The following CEP131 variants were observed in gnomAD, a reference collection of about 807,000 sequenced individuals.
CEP131 encodes the protein centrosomal protein of 131 kDa.
A neutral mutation model predicts 136.8 loss-of-function variants in CEP131; 99 were observed. The observed-to-expected ratio is 0.72, with a 90% CI of 0.62 to 0.86. CEP131 has a LOEUF of 0.86. Among genes scored for constraint, CEP131 ranks in the 40% least tolerant of loss-of-function variants. The pLI is 0.00. For synonymous variants in CEP131, 646 were observed against 612.7 expected (o/e 1.05, Z -0.80); for missense variants, 1,459 against 1,463.0 (o/e 1.00, Z 0.04).
At chr17:81,210,854 A>G (rs577678050) in intron 2 of CEP131, among the ~76,000 whole-genome samples, 1 of 150,510 alleles carries the variant, frequency 6.6e-6, no homozygotes, top group South Asian at 2.1e-4. Context: ...AGGCTCCAGG[A>G]AAGCAGCCAC....
rs1161398642 is a variant in CEP131 at position 81,222,905 on chromosome 17, T to C, written c.-154A>G. 1 of 152,090 alleles carries C rather than the reference T, an allele frequency of 6.6e-6. No individual in the cohort carries two copies. Among genetic ancestry groups the C allele is most frequent in the Non-Finnish European group, 1.5e-5 (1 of 68,038 alleles). 9.4% of individuals were successfully genotyped at this position (152,090 alleles called of 1,614,324 possible). On this transcript the variant is annotated 5_prime_UTR_variant, in exon 1 of 26. Transcript: ENST00000450824. ...CCTGGCGCCCCGCCACCCCCAACAC[T>C]GCCCCGAGGCCCGGTGACAATGAAG...
At chr17:81,214,848 C>T (rs1010350348) in intron 2 of CEP131, among the ~76,000 whole-genome samples, 1 of 152,232 alleles carries the variant, frequency 6.6e-6, no homozygotes, top group East Asian at 1.9e-4. Flanking sequence ...TCTCGGCTCA[C>T]TGCAAGTTCC....
chr17:81,219,900 C>T lies in CEP131; in HGVS notation c.157G>A (p.Glu53Lys), dbSNP rs768774676. Reference protein sequence around the residue: ...VRSVSVVTGSEQKRKVLEATG... With the variant: ...VRSVSVVTGSKQKRKVLEATG... ...CTCACCAGCACCTTCCTCTTCTGCT[C>T]GCTGCCTGTGACCACGGAGACAGAG... The change falls in exon 2 of 26, where the codon GAG (glutamate) becomes AAG (lysine). Residue 53 changes from glutamate (E) to lysine (K), a missense_variant. By Grantham distance (56) the Glu-to-Lys change is moderately conservative. This residue lies in a region of CEP131 where 187 missense variants were observed against 179.9 expected (regional missense o/e 1.04). Coordinates refer to ENST00000450824, the MANE Select transcript of CEP131 (RefSeq NM_014984.4). The surrounding 1 kb of genome is among the most constrained non-coding windows in gnomAD (Gnocchi z 4.0). 40 of 1,608,834 alleles carry T rather than the reference C, an allele frequency of 2.5e-5. No individual in the cohort carries two copies. In the Admixed American group the frequency reaches 5.2e-4, roughly 21 times the overall value.
At position 81,197,818 on chromosome 17, in the gene CEP131, G is replaced by C; in HGVS notation, c.1541C>G (p.Pro514Arg). ...CGATAGCAGCGTCCCATCCTCAGGAGGTTCGGGGAACGCACTGAGTTTTCC... is the reference window on the plus strand; with the variant it reads ...CGATAGCAGCGTCCCATCCTCAGGACGTTCGGGGAACGCACTGAGTTTTCC... Reference protein sequence around the residue: ...KFGKLSAFPEPPEDGTLLSEA... With the variant: ...KFGKLSAFPERPEDGTLLSEA... The change falls in exon 13 of 26, where the codon CCT (proline) becomes CGT (arginine). Residue 514 changes from proline to arginine, a missense_variant. Transcript: ENST00000450824. 5.6e-6 allele frequency: 9 copies of C among 1,613,310 alleles called. No individual in the cohort carries two copies. Among genetic ancestry groups the C allele is most frequent in the Non-Finnish European group, 7.6e-6 (9 of 1,179,952 alleles).
Position 81,202,236 on chromosome 17 carries a change from T to A in CEP131, c.788+4A>T, listed in dbSNP as rs1385143107. Reference sequence around the variant, plus strand: ...CCCCCCCCCACCGCCCCAAGATCGGTCACCTCTCAGCCTCCTCCTCCGTCA... The same window carrying A: ...CCCCCCCCCACCGCCCCAAGATCGGACACCTCTCAGCCTCCTCCTCCGTCA... On this transcript the variant is annotated splice_donor_region_variant and intron_variant, in intron 7 of 25. Transcript: ENST00000450824. The A allele has an allele frequency of 7.7e-7, 1 of 1,306,164 alleles. No homozygotes were observed. Among genetic ancestry groups the A allele is most frequent in the East Asian group, 5.4e-5 (1 of 18,594 alleles). 80.9% of individuals were successfully genotyped at this position (1,306,164 alleles called of 1,614,324 possible). A position where few individuals can be genotyped will look rare whatever the true frequency, so the allele number is the denominator to read the frequency against.
chr17:81,197,355 G>A (rs1202739616), intron 13 of CEP131: 6 of 531,256 alleles, frequency 1.1e-5, no homozygotes, highest in South Asian at 7.0e-5. Context: ...TAGCCTGGCC[G>A]CTAGTGTTCA....
chr17:81,203,350 A>C lies in CEP131; in HGVS notation c.629+144T>G, dbSNP rs2061935927. The stretch of plus-strand genomic sequence containing the variant: ...CCCTGACCGAGGTTGGACCCCATGC[A>C]CACTGACCGCATGCCCTGACCAAGG... On this transcript the variant is annotated intron_variant, in intron 6 of 25. Transcript: ENST00000450824. This position sits in a 1 kb window ranked among gnomAD's most constrained non-coding sequence, Gnocchi z 4.6. 2 of 653,620 alleles carry C rather than the reference A, an allele frequency of 3.1e-6. No homozygotes were observed. The highest frequency in any genetic ancestry group is 3.7e-5 in the South Asian group (2 of 53,426). The allele number at this position is 653,620 out of a possible 1,614,324, so 40.5% of individuals were successfully genotyped here. A position where few individuals can be genotyped will look rare whatever the true frequency, so the allele number is the denominator to read the frequency against.
chr17:81,190,013 G>C (rs769551158), intron 24 of CEP131, 38 bp from the exon 25 acceptor site: 1 of 1,559,590 alleles, frequency 6.4e-7, no homozygotes, highest in South Asian at 1.2e-5. Flanking sequence ...TGTGGCCCCC[G>C]CCCCATGTCC....
intron 11 of CEP131, 85 bp from the exon 12 acceptor site, chr17:81,198,382 A>T: frequency 1.4e-6 from 2 of 1,394,294 alleles, no homozygotes; most frequent in Non-Finnish European, 1.9e-6. Flanking sequence ...GCAGAGCCCC[A>T]AAGGCGCCGC....
intron 4 of CEP131, 111 bp from the exon 5 acceptor site, chr17:81,206,982 G>T: frequency 6.5e-7 from 1 of 1,533,016 alleles, no homozygotes. Context: ...CAGACAGGTG[G>T]ATGTCCTGGG....
chr17:81,222,748 C>T (rs1427668459), intron 1 of CEP131, 21 bp downstream of exon 1: 1 of 152,368 alleles, frequency 6.6e-6, no homozygotes, highest in Non-Finnish European at 1.5e-5. Flanking sequence ...CAACCCCCTC[C>T]CTTGCCCGGG....
intron 2 of CEP131, among the ~76,000 whole-genome samples, chr17:81,218,026 TCC>T (rs1244475430): frequency 2.3e-4 from 22 of 94,300 alleles, no homozygotes; most frequent in African/African-American, 8.9e-4. Flanking sequence ...TCCCTCCCCC[TCC>T]CCCTCCCTCT....
chr17:81,193,669 C>T (rs904158989), intron 18 of CEP131, among the ~76,000 whole-genome samples: 1 of 152,150 alleles, frequency 6.6e-6, no homozygotes, highest in Non-Finnish European at 1.5e-5. Flanking sequence ...CAGCCCTGAC[C>T]CTGGGAAAAC....
intron 19 of CEP131, 63 bp downstream of exon 19, chr17:81,192,670 GGGC>G: frequency 7.4e-7 from 1 of 1,353,420 alleles, no homozygotes; most frequent in Non-Finnish European, 1.0e-6. Context: ...GCGGGTGAGG[GGGC>G]GGGGGGGAGG....
intron 2 of CEP131, among the ~76,000 whole-genome samples, chr17:81,216,250 T>C (rs938563244): frequency 2.0e-5 from 3 of 152,008 alleles, no homozygotes; most frequent in Non-Finnish European, 2.9e-5. Context: ...TCCCAGCTTC[T>C]TGGGAGGCAG....
At chr17:81,199,965 G>A (rs989140664) in intron 8 of CEP131, 130 bp from the exon 9 acceptor site, 4 of 913,278 alleles carry the variant, frequency 4.4e-6, no homozygotes, top group Non-Finnish European at 7.0e-6. Flanking sequence ...CAGGGAAAGT[G>A]AAACCCCACC....
intron 2 of CEP131, among the ~76,000 whole-genome samples, chr17:81,217,150 A>T (rs1445619262): frequency 6.6e-6 from 1 of 152,206 alleles, no homozygotes; most frequent in African/African-American, 2.4e-5. Flanking sequence ...AGGGAACCAG[A>T]GTGAATAATG....
At position 81,203,443 on chromosome 17, in the gene CEP131, C is replaced by A. The variant is rs2061938549; in HGVS notation, c.629+51G>T. The A allele has an allele frequency of 6.9e-7, 1 of 1,444,472 alleles. No individual in the cohort carries two copies. The highest frequency in any genetic ancestry group is 1.4e-5 in the African/African-American group (1 of 71,422). The allele number at this position is 1,444,472 out of a possible 1,614,324, so 89.5% of individuals were successfully genotyped here. ...GACCCCAGGTGCACTGACTACATGCCCTAACTGAGGTCGGACCCCGCAGCC... is the reference window on the plus strand; with the variant it reads ...GACCCCAGGTGCACTGACTACATGCACTAACTGAGGTCGGACCCCGCAGCC... On this transcript the variant is annotated intron_variant, in intron 6 of 25. Coordinates refer to ENST00000450824, the MANE Select transcript of CEP131 (RefSeq NM_014984.4). This position sits in a 1 kb window ranked among gnomAD's most constrained non-coding sequence, Gnocchi z 4.6.
chr17:81,204,290 T>C (rs2061957358), intron 5 of CEP131, among the ~76,000 whole-genome samples: 1 of 152,106 alleles, frequency 6.6e-6, no homozygotes, highest in Admixed American at 6.5e-5. Context: ...GCATCCACCC[T>C]GCCCTCCCCA....
Sources: allele counts gnomAD v4.1 joint callset (sites outside exome capture counted in the v4.1 genomes callset), GRCh38; gene constraint gnomAD v4.1.1; regional missense constraint gnomAD v4.1.1; non-coding constraint Gnocchi (gnomAD v3.1); transcripts MANE v1.5; gene names NCBI Gene and HGNC (gene_info 2026-07-23, HGNC 2026-07-21).